The following CSMD3 variants were observed in gnomAD, a reference collection of about 807,000 sequenced individuals.
The protein encoded by CSMD3 is CUB and Sushi multiple domains 3.
CSMD3 carries 177 observed loss-of-function variants against 435.2 expected under a neutral mutation model. The observed-to-expected ratio is 0.41, with a 90% CI of 0.36 to 0.46. The LOEUF is 0.46. CSMD3 is among the 20% of genes least tolerant of loss of function. The pLI is 0.34. For missense variants in CSMD3, 4,265 were observed against 4,504.6 expected (o/e 0.95, Z 1.52); for synonymous variants, 1,656 against 1,520.5 (o/e 1.09, Z -2.07).
chr8:113,073,302 CT>C (rs574692180), intron 5 of CSMD3, among the ~76,000 whole-genome samples: 158 of 151,776 alleles, frequency 1.0e-3, no homozygotes, highest in African/African-American at 3.8e-3. Flanking sequence ...TTCCGACTAT[CT>C]TTTTAAGGAT....
intron 69 of CSMD3, among the ~76,000 whole-genome samples, chr8:112,229,789 G>T (rs555051061): frequency 1.3e-5 from 2 of 151,954 alleles, no homozygotes; most frequent in East Asian, 3.9e-4. Flanking sequence ...AAGACCCAGT[G>T]ATATGACATG....
intron 45 of CSMD3, among the ~76,000 whole-genome samples, chr8:112,320,636 C>T (rs1586760692): frequency 1.5e-5 from 2 of 137,616 alleles, no homozygotes; most frequent in East Asian, 2.5e-4. Flanking sequence ...CTATCCCTCC[C>T]CCCTCCCCTC....
At chr8:112,339,310 C>T (rs1264211990) in intron 42 of CSMD3, among the ~76,000 whole-genome samples, 1 of 151,958 alleles carries the variant, frequency 6.6e-6, no homozygotes, top group Non-Finnish European at 1.5e-5. Context: ...TTTGTAACTT[C>T]ACTTCAGCTT....
chr8:113,393,012 T>A (rs932367597), intron 1 of CSMD3, among the ~76,000 whole-genome samples: 3 of 151,810 alleles, frequency 2.0e-5, no homozygotes, highest in South Asian at 2.1e-4. Flanking sequence ...CACATGTGTT[T>A]TTTTACATAT....
At chr8:113,016,790 T>G (rs2131157546) in intron 6 of CSMD3, among the ~76,000 whole-genome samples, 1 of 152,038 alleles carries the variant, frequency 6.6e-6, no homozygotes, top group African/African-American at 2.4e-5. Context: ...TCGTTACCAT[T>G]TCATGATAGG....
At chr8:113,294,339 A>C (rs185059777) in intron 2 of CSMD3, among the ~76,000 whole-genome samples, 47 of 152,252 alleles carry the variant, frequency 3.1e-4, no homozygotes, top group African/African-American at 1.0e-3. Context: ...TCAAACATTC[A>C]ACATACATTA....
intron 3 of CSMD3, among the ~76,000 whole-genome samples, chr8:113,262,659 G>C (rs899759208): frequency 6.6e-6 from 1 of 152,026 alleles, no homozygotes; most frequent in African/African-American, 2.4e-5. Flanking sequence ...AACGGTCTTT[G>C]AGAAAGTCAT....
chr8:112,442,589 A>C (rs1187563456), intron 32 of CSMD3, among the ~76,000 whole-genome samples: 4 of 152,070 alleles, frequency 2.6e-5, no homozygotes, highest in Non-Finnish European at 4.4e-5. Context: ...GAGACAACTT[A>C]ATGTCCCACA....
intron 27 of CSMD3, among the ~76,000 whole-genome samples, chr8:112,543,608 ACT>A (rs1274542284): frequency 2.0e-5 from 3 of 152,038 alleles, no homozygotes; most frequent in Non-Finnish European, 2.9e-5. Flanking sequence ...AGAAATAGAA[ACT>A]CTTACATGCT....
At chr8:112,855,772 A>G (rs1276748944) in intron 11 of CSMD3, among the ~76,000 whole-genome samples, 4 of 151,298 alleles carry the variant, frequency 2.6e-5, no homozygotes, top group Non-Finnish European at 5.9e-5. Context: ...TGCTTGGTTA[A>G]TAGGATATGA....
At chr8:113,334,972 A>C (rs1029989513) in intron 1 of CSMD3, among the ~76,000 whole-genome samples, 2 of 152,096 alleles carry the variant, frequency 1.3e-5, no homozygotes, top group African/African-American at 2.4e-5. Flanking sequence ...AAATCAAATT[A>C]TATCCCCAAT....
At chr8:112,259,495 C>T (rs1237014934) in intron 61 of CSMD3, among the ~76,000 whole-genome samples, 1 of 152,016 alleles carries the variant, frequency 6.6e-6, no homozygotes, top group African/African-American at 2.4e-5. Flanking sequence ...ACGTAGGTGA[C>T]AGGTTGATGA....
At chr8:112,311,989 G>A (rs1378708886) in intron 49 of CSMD3, among the ~76,000 whole-genome samples, 2 of 151,798 alleles carry the variant, frequency 1.3e-5, no homozygotes, top group Non-Finnish European at 2.9e-5. Flanking sequence ...GGCTAAAAGT[G>A]GTATTTTCAT....
At chr8:113,199,610 C>T (rs190426404) in intron 3 of CSMD3, among the ~76,000 whole-genome samples, 1 of 151,736 alleles carries the variant, frequency 6.6e-6, no homozygotes, top group African/African-American at 2.4e-5. Flanking sequence ...GTTGAAAGGG[C>T]ATTTTTAGCT....
At chr8:112,522,061 C>A (rs1283842503) in intron 27 of CSMD3, among the ~76,000 whole-genome samples, 9 of 151,570 alleles carry the variant, frequency 5.9e-5, no homozygotes, top group South Asian at 2.1e-4. Flanking sequence ...TGTATGCTAC[C>A]ATTTATTTCT....
chr8:112,945,316 C>T (rs1253456829), intron 9 of CSMD3, among the ~76,000 whole-genome samples: 1 of 151,666 alleles, frequency 6.6e-6, no homozygotes, highest in African/African-American at 2.4e-5. Flanking sequence ...CTGAAGAAAC[C>T]TAACTAAAAT....
In CSMD3 at chr8:113,195,791, T is replaced by TTTTATA. The variant is rs774744591; in HGVS notation, c.515-21876_515-21875insTATAAA. 1.3e-3 allele frequency among the ~76,000 whole-genome samples: 160 copies of TTTTATA among 126,012 alleles called. No homozygotes were observed. In the East Asian group the frequency reaches 0.029, roughly 23 times the overall value. The allele number at this position is 126,012 out of a possible 152,430, so 82.7% of individuals were successfully genotyped here. A position where few individuals can be genotyped will look rare whatever the true frequency, so the allele number is the denominator to read the frequency against. On this transcript the variant is annotated intron_variant, in intron 3 of 70. Coordinates refer to ENST00000297405, the MANE Select transcript of CSMD3 (RefSeq NM_198123.2). ...ATATATAATATTCATATCCTATATTTTATATATATATATATATATATATAC... is the reference window on the plus strand; with the variant it reads ...ATATATAATATTCATATCCTATATTTTTTATATATATATATATATATATATATATAC...
intron 2 of CSMD3, among the ~76,000 whole-genome samples, chr8:113,292,352 C>T (rs2093692188): frequency 6.6e-6 from 1 of 151,510 alleles, no homozygotes; most frequent in South Asian, 2.1e-4. Context: ...TATTCCAATC[C>T]TATTTTGTAA....
At chr8:112,827,164 A>ATATATATATATATATATATATATAT (rs1564000272) in intron 12 of CSMD3, among the ~76,000 whole-genome samples, 1 of 82,852 alleles carries the variant, frequency 1.2e-5, no homozygotes, top group Non-Finnish European at 2.2e-5. Flanking sequence ...GGTTACCATA[A>ATATATATATATATATATATATATAT]ATATATATAT....
Sources: gnomAD v4.1 joint callset for allele counts (sites outside exome capture counted in the v4.1 genomes callset) on GRCh38, gnomAD v4.1.1 for gene constraint, MANE v1.5 for transcripts, NCBI Gene and HGNC (gene_info 2026-07-23, HGNC 2026-07-21) for gene names.